The following DNM3 variants were observed in gnomAD, a reference collection of about 807,000 sequenced individuals.
DNM3 encodes the protein dynamin-3.
A neutral mutation model predicts 101.6 loss-of-function variants in DNM3; 47 were observed. That is an observed-to-expected ratio of 0.46 (90% CI 0.37 to 0.59). DNM3 has a LOEUF of 0.59. DNM3 is among the 20% of genes least tolerant of loss of function. The pLI is 0.00. For missense variants in DNM3, 849 were observed against 1,085.7 expected, an observed-to-expected ratio of 0.78 and a Z score of 3.06; for synonymous variants, 385 against 387.9, an observed-to-expected ratio of 0.99 and a Z score of 0.09.
At chr1:171,991,785 A>T (rs1413228310) in intron 4 of DNM3, among the ~76,000 whole-genome samples, 1 of 152,200 alleles carries the variant, frequency 6.6e-6, no homozygotes, top group African/African-American at 2.4e-5. Flanking sequence ...TAGCCTGCAA[A>T]AAGATACTTA....
At chr1:172,282,199 C>T (rs985142514) in intron 15 of DNM3, among the ~76,000 whole-genome samples, 9 of 152,148 alleles carry the variant, frequency 5.9e-5, no homozygotes, top group South Asian at 2.1e-4. Flanking sequence ...TCATCCTCGC[C>T]GCTCATTCTG....
At chr1:172,385,408 G>A (rs1455823034) in intron 18 of DNM3, among the ~76,000 whole-genome samples, 2 of 152,150 alleles carry the variant, frequency 1.3e-5, no homozygotes, top group Admixed American at 6.5e-5. Flanking sequence ...CAAGGCCTTC[G>A]CATCTGCCTC....
chr1:172,050,902 A>G (rs1018820970), intron 10 of DNM3, among the ~76,000 whole-genome samples: 1 of 151,612 alleles, frequency 6.6e-6, no homozygotes, highest in Admixed American at 6.6e-5. Flanking sequence ...ATCATTTCCC[A>G]TTTTATCCAA....
At chr1:172,022,632 T>G (rs2047926100) in intron 4 of DNM3, among the ~76,000 whole-genome samples, 2 of 152,116 alleles carry the variant, frequency 1.3e-5, no homozygotes, top group Admixed American at 1.3e-4. Context: ...ATCAGTCCCT[T>G]GCCCACCCCT....
At chr1:171,843,152 A>G (rs12405583) in intron 1 of DNM3, among the ~76,000 whole-genome samples, 93,052 of 152,028 alleles carry the variant, frequency 0.61, 28,819 homozygotes, top group East Asian at 0.8. Flanking sequence ...CTCAAATGAT[A>G]TTCCATCTCT....
intron 12 of DNM3, among the ~76,000 whole-genome samples, chr1:172,086,562 A>C (rs1193039199): frequency 3.3e-5 from 5 of 151,084 alleles, no homozygotes; most frequent in African/African-American, 1.2e-4. Context: ...GAAGGCAATA[A>C]ATTTTTAATT....
chr1:172,385,182 C>T (rs376865200), intron 18 of DNM3, among the ~76,000 whole-genome samples: 5 of 152,258 alleles, frequency 3.3e-5, no homozygotes, highest in South Asian at 2.1e-4. Flanking sequence ...TATACTACTG[C>T]GTTATTAAAT....
intron 15 of DNM3, among the ~76,000 whole-genome samples, chr1:172,271,986 G>A (rs918422475): frequency 2.0e-5 from 3 of 152,036 alleles, no homozygotes; most frequent in Non-Finnish European, 4.4e-5. Context: ...TTTATCATTG[G>A]CCACAAATAG....
chr1:172,011,279 G>A (rs2047108150), intron 4 of DNM3, among the ~76,000 whole-genome samples: 1 of 151,764 alleles, frequency 6.6e-6, no homozygotes, highest in Admixed American at 6.6e-5. Flanking sequence ...CTTCCTGAAA[G>A]TTCTTTTCTC....
chr1:172,318,397 C>T (rs1165951903), intron 16 of DNM3, among the ~76,000 whole-genome samples: 1 of 152,072 alleles, frequency 6.6e-6, no homozygotes, highest in East Asian at 1.9e-4. Context: ...GGCAATCAGG[C>T]AGGAGAAGGA....
chr1:171,870,971 A>T (rs1018611708), intron 1 of DNM3, among the ~76,000 whole-genome samples: 9 of 152,200 alleles, frequency 5.9e-5, no homozygotes, highest in Admixed American at 1.3e-4. Context: ...ACTTGAAGAC[A>T]TGAGAGATTC....
intron 2 of DNM3, among the ~76,000 whole-genome samples, chr1:171,939,233 A>G (rs912236890): frequency 6.6e-6 from 1 of 152,200 alleles, no homozygotes; most frequent in Non-Finnish European, 1.5e-5. Context: ...CAGTTAAATC[A>G]CTGCCTTTTA....
chr1:172,115,752 T>G (rs1031710184), intron 13 of DNM3, among the ~76,000 whole-genome samples: 2 of 152,234 alleles, frequency 1.3e-5, no homozygotes, highest in African/African-American at 4.8e-5. Flanking sequence ...TGCTGAAATG[T>G]TATTTTATTG....
At chr1:172,346,627 A>G (rs1002581050) in intron 17 of DNM3, among the ~76,000 whole-genome samples, 5 of 152,236 alleles carry the variant, frequency 3.3e-5, no homozygotes, top group African/African-American at 1.2e-4. Context: ...AGGACAAATC[A>G]GACACCCTCA....
At chr1:171,868,367 C>A (rs1454328554) in intron 1 of DNM3, among the ~76,000 whole-genome samples, 4 of 152,108 alleles carry the variant, frequency 2.6e-5, no homozygotes, top group South Asian at 2.1e-4. Flanking sequence ...TCTCTGTGGT[C>A]TGCTCAGGCC....
At chr1:171,918,275 G>C (rs74126535) in intron 1 of DNM3, among the ~76,000 whole-genome samples, 5,231 of 152,260 alleles carry the variant, frequency 0.034, 295 homozygotes, top group African/African-American at 0.12. Context: ...CATTTCTTTT[G>C]ATCCATACAA....
intron 17 of DNM3, among the ~76,000 whole-genome samples, chr1:172,343,820 A>G (rs879412978): frequency 1.3e-5 from 2 of 152,008 alleles, no homozygotes; most frequent in Admixed American, 1.3e-4. Context: ...TTTTTTGCCA[A>G]AAGGTTTATT....
At chr1:172,059,061 A>C (rs1300995616) in intron 10 of DNM3, among the ~76,000 whole-genome samples, 1 of 152,040 alleles carries the variant, frequency 6.6e-6, no homozygotes, top group East Asian at 1.9e-4. Context: ...AGAATACTAC[A>C]AACACCTCTA....
intron 20 of DNM3, among the ~76,000 whole-genome samples, chr1:172,405,637 A>C (rs2070825229): frequency 6.6e-6 from 1 of 151,996 alleles, no homozygotes; most frequent in Non-Finnish European, 1.5e-5. Context: ...GAAATCACCT[A>C]ATTAATTCCA....
Sources: allele counts gnomAD v4.1 joint callset (sites outside exome capture counted in the v4.1 genomes callset), GRCh38; gene constraint gnomAD v4.1.1; transcripts MANE v1.5; gene names NCBI Gene and HGNC (gene_info 2026-07-23, HGNC 2026-07-21).